The following MOSMO variants were observed in gnomAD, a reference collection of about 807,000 sequenced individuals.
MOSMO encodes the protein modulator of smoothened, also known as modulator of smoothened protein.
MOSMO carries 5 observed loss-of-function variants against 18.4 expected under a neutral mutation model. The observed-to-expected ratio is 0.27, with a 90% confidence interval of 0.14 to 0.57. MOSMO has a LOEUF of 0.57. Ranked by LOEUF, MOSMO falls within the 20% of genes least tolerant of loss-of-function variation. The pLI, the probability that MOSMO is intolerant of heterozygous loss-of-function variation, is 0.92. For synonymous variants in MOSMO, 82 were observed against 82.3 expected (o/e 1.00, Z 0.02); for missense variants, 138 against 211.8 (o/e 0.65, Z 2.16).
chr16:22,037,675 G>T (rs1366563477), intron 1 of MOSMO, among the ~76,000 whole-genome samples: 1 of 152,118 alleles, frequency 6.6e-6, no homozygotes, highest in Non-Finnish European at 1.5e-5. Context: ...CAACTACTTT[G>T]CTGGGACAGC....
At position 22,080,961 on chromosome 16, in the gene MOSMO, C is replaced by T. The variant is rs901538809; in HGVS notation, c.*81C>T. ...TTTTGGAGGGTGGAGAGGACAAAGGCGAGGCATCTGAGCAGGCCTCTCATG... is the reference window on the plus strand; with the variant it reads ...TTTTGGAGGGTGGAGAGGACAAAGGTGAGGCATCTGAGCAGGCCTCTCATG... On this transcript the variant is annotated 3_prime_UTR_variant, in exon 3 of 3. Coordinates refer to ENST00000542527, the MANE Select transcript of MOSMO (RefSeq NM_001164579.2). 10 of 632,808 alleles carry T rather than the reference C, an allele frequency of 1.6e-5. No individual in the cohort carries two copies. Among genetic ancestry groups the T allele is most frequent in the Non-Finnish European group, 2.3e-5 (10 of 434,942 alleles). 39.2% of individuals were successfully genotyped at this position (632,808 alleles called of 1,614,324 possible).
intron 1 of MOSMO, among the ~76,000 whole-genome samples, chr16:22,062,496 T>C (rs1900666894): frequency 6.6e-6 from 1 of 152,062 alleles, no homozygotes; most frequent in Non-Finnish European, 1.5e-5. Flanking sequence ...CTGATTTTTT[T>C]AGTTTTTGTA....
At chr16:22,085,515 C>T (rs1419408520), downstream of MOSMO, 1 of 152,068 alleles carries the variant, frequency 6.6e-6, no homozygotes, top group East Asian at 1.9e-4. Flanking sequence ...TTATGCTGAG[C>T]TGCTATGGTG....
intron 1 of MOSMO, among the ~76,000 whole-genome samples, chr16:22,044,461 A>G (rs1900269073): frequency 6.6e-6 from 1 of 152,194 alleles, no homozygotes; most frequent in African/African-American, 2.4e-5. Context: ...CCAAATCCCA[A>G]ATGCTCCAGA....
intron 1 of MOSMO, among the ~76,000 whole-genome samples, chr16:22,027,045 A>G (rs571374853): frequency 2.0e-5 from 3 of 152,338 alleles, no homozygotes; most frequent in Admixed American, 2.0e-4. Flanking sequence ...TCTATGTAAT[A>G]TACTAGAGAA....
At chr16:22,029,201 G>A (rs867064873) in intron 1 of MOSMO, among the ~76,000 whole-genome samples, 2 of 152,134 alleles carry the variant, frequency 1.3e-5, no homozygotes, top group Admixed American at 6.6e-5. Flanking sequence ...CTAAAAGTCA[G>A]ATGGTTTAAT....
At chr16:22,087,362 T>C (rs890695289), downstream of MOSMO, 1 of 152,192 alleles carries the variant, frequency 6.6e-6, no homozygotes, top group African/African-American at 2.4e-5. Context: ...TTAGTAAATA[T>C]GGCCAGTGTA....
At chr16:22,025,146 C>CTA (rs1451374578) in intron 1 of MOSMO, among the ~76,000 whole-genome samples, 1 of 149,320 alleles carries the variant, frequency 6.7e-6, no homozygotes, top group Non-Finnish European at 1.5e-5. Flanking sequence ...GAACAAGACT[C>CTA]TGTCTAAAAA....
chr16:22,010,048 C>T (rs1438517137), intron 1 of MOSMO, among the ~76,000 whole-genome samples: 3 of 152,026 alleles, frequency 2.0e-5, no homozygotes, highest in South Asian at 2.1e-4. Flanking sequence ...TTAAGTATTA[C>T]TTATGGTTCT....
chr16:22,069,272 G>A (rs567973611), intron 1 of MOSMO, among the ~76,000 whole-genome samples: 6 of 152,142 alleles, frequency 3.9e-5, no homozygotes, highest in Non-Finnish European at 8.8e-5. Context: ...TGAGGGCCTG[G>A]GGTGTGTATA....
chr16:22,068,105 C>T (rs191373296), intron 1 of MOSMO, among the ~76,000 whole-genome samples: 8 of 152,168 alleles, frequency 5.3e-5, no homozygotes, highest in Non-Finnish European at 8.8e-5. Flanking sequence ...ATAAAGAGCA[C>T]TGGTAAAGGT....
rs776645386 is a variant in MOSMO, at chr16:22,082,513, A to G, written c.*1633A>G. ...GGTGACCCAAATGTCCCTGTCATTTATAGTGAACTGATGACCCAAATGACT... is the reference window on the plus strand; with the variant it reads ...GGTGACCCAAATGTCCCTGTCATTTGTAGTGAACTGATGACCCAAATGACT... On this transcript the variant is annotated 3_prime_UTR_variant, in exon 3 of 3. Transcript: ENST00000542527. The G allele has an allele frequency of 2.0e-5, 3 of 152,158 alleles. No homozygotes were observed. Among genetic ancestry groups the G allele is most frequent in the African/African-American group, 7.2e-5 (3 of 41,438 alleles). The allele number at this position is 152,158 out of a possible 1,614,324, so 9.4% of individuals were successfully genotyped here. A position where few individuals can be genotyped will look rare whatever the true frequency, so the allele number is the denominator to read the frequency against.
At chr16:22,087,296 G>T (rs924073611), downstream of MOSMO, 1 of 152,134 alleles carries the variant, frequency 6.6e-6, no homozygotes, top group Non-Finnish European at 1.5e-5. Context: ...GAATGGACTC[G>T]AGGATTTGAT....
At chr16:22,027,422 A>C (rs1899897687) in intron 1 of MOSMO, among the ~76,000 whole-genome samples, 1 of 152,188 alleles carries the variant, frequency 6.6e-6, no homozygotes, top group South Asian at 2.1e-4. Context: ...GACTTGGTTC[A>C]TGTTCTAACC....
At chr16:22,057,616 T>G (rs1900561676) in intron 1 of MOSMO, among the ~76,000 whole-genome samples, 1 of 152,236 alleles carries the variant, frequency 6.6e-6, no homozygotes, top group African/African-American at 2.4e-5. Flanking sequence ...TGTCAGGAAC[T>G]CTGCTAGGCA....
At chr16:22,015,965 C>A (rs896667828) in intron 1 of MOSMO, among the ~76,000 whole-genome samples, 57 of 152,148 alleles carry the variant, frequency 3.7e-4, no homozygotes, top group Admixed American at 8.5e-4. Context: ...ATTGGCCATA[C>A]TTATTGAGTC....
At chr16:22,045,494 C>T (rs889914104) in intron 1 of MOSMO, among the ~76,000 whole-genome samples, 4 of 151,918 alleles carry the variant, frequency 2.6e-5, no homozygotes, top group African/African-American at 7.3e-5. Context: ...GGTATTAGAT[C>T]CTGAAAATAA....
At chr16:22,075,739 C>A in intron 2 of MOSMO, 40 bp downstream of exon 2, 1 of 1,342,950 alleles carries the variant, frequency 7.4e-7, no homozygotes, top group Non-Finnish European at 1.0e-6. Context: ...TAGAAGGCAC[C>A]CACCCACACT....
At chr16:22,035,136 G>C (rs1900082230) in intron 1 of MOSMO, among the ~76,000 whole-genome samples, 1 of 152,112 alleles carries the variant, frequency 6.6e-6, no homozygotes, top group African/African-American at 2.4e-5. Flanking sequence ...GGTACATGGG[G>C]AGGGGAAGAG....
Sources: allele counts gnomAD v4.1 joint callset (sites outside exome capture counted in the v4.1 genomes callset), GRCh38; gene constraint gnomAD v4.1.1; transcripts MANE v1.5; gene names NCBI Gene and HGNC (gene_info 2026-07-23, HGNC 2026-07-21).